Variants in CHD9 observed in about 807,000 individuals in gnomAD.
CHD9 encodes the protein ATP-dependent chromatin remodeler CHD9.
CHD9 carries 77 observed loss-of-function variants against 316.1 expected under a neutral mutation model. That is an observed-to-expected ratio of 0.24 (90% CI 0.20 to 0.29). The LOEUF is 0.29. Among genes scored for constraint, CHD9 ranks in the 10% least tolerant of loss-of-function variants. The pLI is 1.00. For synonymous variants in CHD9, 1,129 were observed against 1,158.3 expected (o/e 0.97, Z 0.51); for missense variants, 2,763 against 3,438.1 (o/e 0.80, Z 4.91).
intron 1 of CHD9, among the ~76,000 whole-genome samples, chr16:53,073,410 T>A (rs181966786): frequency 1.8e-4 from 28 of 152,356 alleles, no homozygotes; most frequent in Admixed American, 3.9e-4. Flanking sequence ...TGCTTCTACC[T>A]CTTGACTGTT....
rs554344939 is a variant in CHD9, at chr16:53,075,467, A to C, written c.-165+20390A>C. 3.9e-5 allele frequency among the ~76,000 whole-genome samples: 6 copies of C among 152,144 alleles called. No homozygotes were observed. The East Asian group carries it at 1.2e-3, about 29-fold the overall frequency. On this transcript the variant is annotated intron_variant, in intron 1 of 38. Transcript: ENST00000447540. ...TGGTTTGGCTCTGTACCCCCACCCG[A>C]ATTTCATCTTGAATTGTACTCCCAT...
At chr16:53,077,800 G>A (rs1422050619) in intron 1 of CHD9, among the ~76,000 whole-genome samples, 2 of 152,146 alleles carry the variant, frequency 1.3e-5, no homozygotes, top group African/African-American at 2.4e-5. Flanking sequence ...GCGACCCAGT[G>A]CAGTGGCTCA....
intron 20 of CHD9, among the ~76,000 whole-genome samples, chr16:53,263,351 T>G (rs1440405984): frequency 1.3e-5 from 2 of 152,120 alleles, no homozygotes; most frequent in African/African-American, 2.4e-5. Context: ...TATAATATGT[T>G]TTTTAAATTT....
chr16:53,278,620 A>G (rs1025403939), intron 24 of CHD9, among the ~76,000 whole-genome samples: 3 of 152,182 alleles, frequency 2.0e-5, no homozygotes, highest in Admixed American at 6.5e-5. Flanking sequence ...TTATCTGACA[A>G]AGGGCTAATA....
intron 1 of CHD9, among the ~76,000 whole-genome samples, chr16:53,117,424 A>G (rs2038397535): frequency 6.6e-6 from 1 of 151,462 alleles, no homozygotes; most frequent in South Asian, 2.1e-4. Context: ...ATATATATAT[A>G]TATTTTTGGA....
chr16:53,294,276 A>G (rs894525655), intron 29 of CHD9, among the ~76,000 whole-genome samples: 1 of 152,166 alleles, frequency 6.6e-6, no homozygotes, highest in Non-Finnish European at 1.5e-5. Context: ...TGGAAGATAT[A>G]TTGTTCTTTT....
At chr16:53,266,919 C>T (rs2051750991) in intron 20 of CHD9, among the ~76,000 whole-genome samples, 2 of 151,878 alleles carry the variant, frequency 1.3e-5, no homozygotes, top group Non-Finnish European at 2.9e-5. Flanking sequence ...AAACTTAAGC[C>T]ACAAAGATTT....
At chr16:53,303,381 G>A (rs192785048) in intron 30 of CHD9, among the ~76,000 whole-genome samples, 5 of 151,930 alleles carry the variant, frequency 3.3e-5, no homozygotes, top group African/African-American at 4.8e-5. Context: ...TAAATGCATC[G>A]CTCATAGGGA....
chr16:53,296,922 G>A, intron 29 of CHD9, 34 bp from the exon 30 acceptor site: 1 of 1,388,244 alleles, frequency 7.2e-7, no homozygotes, highest in South Asian at 1.2e-5. Context: ...TTAGTGACTA[G>A]TGTGGTTTTT....
chr16:53,094,730 C>G (rs1005964811), intron 1 of CHD9, among the ~76,000 whole-genome samples: 5 of 150,758 alleles, frequency 3.3e-5, no homozygotes, highest in African/African-American at 1.2e-4. Flanking sequence ...ACCTCTGCCT[C>G]CCGGGTTCAA....
intron 1 of CHD9, among the ~76,000 whole-genome samples, chr16:53,075,579 A>G (rs1307266279): frequency 6.6e-6 from 1 of 152,062 alleles, no homozygotes; most frequent in Non-Finnish European, 1.5e-5. Context: ...TTGGTAGTGA[A>G]TAAGTCTCAC....
At chr16:53,282,709 C>G (rs72799635) in intron 24 of CHD9, among the ~76,000 whole-genome samples, 2,977 of 152,332 alleles carry the variant, frequency 0.02, 50 homozygotes, top group Non-Finnish European at 0.029. Flanking sequence ...CTCCTCACCC[C>G]AGATGTTCGC....
rs2041505627 is a variant in CHD9, at chr16:53,156,117, G to C, written c.28G>C (p.Asp10His). MTDPMMDFF[D>H]DANLFGETLE... Reference sequence around the variant, plus strand: ...GACAGATCCAATGATGGACTTTTTTGATGATGCCAATCTTTTTGGTGAGAC... The same window carrying C: ...GACAGATCCAATGATGGACTTTTTTCATGATGCCAATCTTTTTGGTGAGAC... Residue 10 changes from aspartate to histidine, a missense_variant, in exon 2 of 39, where the codon GAT becomes CAT. Asp to His is a moderately conservative substitution (Grantham distance 81). This residue lies in a region of CHD9 where 859 missense variants were observed against 890.4 expected (regional missense o/e 0.96). Coordinates refer to ENST00000447540, the MANE Select transcript of CHD9 (RefSeq NM_001308319.2). The C allele has an allele frequency of 6.2e-7, 1 of 1,611,468 alleles. No homozygotes were observed. The highest frequency in any genetic ancestry group is 1.3e-5 in the African/African-American group (1 of 74,682).
chr16:53,273,166 G>A (rs556586261), intron 22 of CHD9, among the ~76,000 whole-genome samples: 1 of 152,074 alleles, frequency 6.6e-6, no homozygotes, highest in South Asian at 2.1e-4. Context: ...GTACGTTTTT[G>A]TAGTTTTTAA....
chr16:53,243,204 T>G (rs981842680), intron 13 of CHD9, among the ~76,000 whole-genome samples, 188 bp downstream of exon 13: 2 of 152,202 alleles, frequency 1.3e-5, no homozygotes, highest in African/African-American at 4.8e-5. Flanking sequence ...TCCTACGACT[T>G]CAAATTTTTT....
At chr16:53,180,604 A>G (rs1006748586) in intron 2 of CHD9, among the ~76,000 whole-genome samples, 1 of 152,224 alleles carries the variant, frequency 6.6e-6, no homozygotes, top group South Asian at 2.1e-4. Context: ...TCTTAAGTGC[A>G]TATCAGCACC....
chr16:53,280,401 T>A (rs966571977), intron 24 of CHD9, among the ~76,000 whole-genome samples: 1 of 152,174 alleles, frequency 6.6e-6, no homozygotes, highest in Non-Finnish European at 1.5e-5. Flanking sequence ...AGGAGACTAT[T>A]ATTCTAAGTG....
At chr16:53,207,977 G>A (rs1295005646) in intron 2 of CHD9, 3 of 952,142 alleles carry the variant, frequency 3.2e-6, no homozygotes, top group East Asian at 2.3e-4. Context: ...TATTTTTAAC[G>A]ACATCTCTAA....
chr16:53,114,838 C>T (rs1159937108), intron 1 of CHD9, among the ~76,000 whole-genome samples: 12 of 145,348 alleles, frequency 8.3e-5, no homozygotes, highest in South Asian at 2.2e-4. Context: ...CCGCCCGCCT[C>T]GGCCTCCCAA....
Sources: allele counts gnomAD v4.1 joint callset (sites outside exome capture counted in the v4.1 genomes callset), GRCh38; gene constraint gnomAD v4.1.1; regional missense constraint gnomAD v4.1.1; transcripts MANE v1.5; gene names NCBI Gene and HGNC (gene_info 2026-07-23, HGNC 2026-07-21).